The following CEP97 variants were observed in gnomAD, a reference collection of about 807,000 sequenced individuals.
CEP97 encodes the protein centrosomal protein of 97 kDa.
In CEP97, 43 loss-of-function variants were observed where a neutral mutation model predicts 73.1. The observed-to-expected ratio is 0.59, with a 90% confidence interval of 0.46 to 0.76. The LOEUF (loss-of-function observed/expected upper bound fraction) is 0.76, where lower values mean the gene tolerates loss of function less well. Among genes scored for constraint, CEP97 ranks in the 30% least tolerant of loss-of-function variants. The pLI is 0.00. For synonymous variants in CEP97, 337 were observed against 370.0 expected, an observed-to-expected ratio of 0.91 and a Z score of 1.02; for missense variants, 939 against 1,014.0, an observed-to-expected ratio of 0.93 and a Z score of 1.00.
intron 1 of CEP97, among the ~76,000 whole-genome samples, chr3:101,726,230 G>T (rs1249843793): frequency 5.3e-5 from 8 of 152,176 alleles, no homozygotes; most frequent in African/African-American, 1.9e-4. Flanking sequence ...TGGTAGTTAG[G>T]CTGTAAGCTG....
intron 6 of CEP97, among the ~76,000 whole-genome samples, chr3:101,735,396 G>C (rs1016575703): frequency 1.3e-5 from 2 of 152,144 alleles, no homozygotes; most frequent in African/African-American, 4.8e-5. Flanking sequence ...TGTGTGGGGG[G>C]GTGGCTGGCA....
At chr3:101,746,698 A>T (rs1238449148) in intron 6 of CEP97, among the ~76,000 whole-genome samples, 1 of 152,224 alleles carries the variant, frequency 6.6e-6, no homozygotes, top group Non-Finnish European at 1.5e-5. Flanking sequence ...TAAACTAAAG[A>T]CCTTCTGCAC....
chr3:101,766,618 T>C lies in CEP97; in HGVS notation c.*1067T>C, dbSNP rs1402656789. ...AATGATGGTGAAGAAATAATAAACC[T>C]CACTTTACTTGTTAAAAGGGATATA... On this transcript the variant is annotated 3_prime_UTR_variant, in exon 11 of 11. Coordinates refer to ENST00000341893, the MANE Select transcript of CEP97 (RefSeq NM_024548.4). 1 of 151,584 alleles carries C rather than the reference T, an allele frequency of 6.6e-6. No individual in the cohort carries two copies. The highest frequency in any genetic ancestry group is 1.5e-5 in the Non-Finnish European group (1 of 67,864). 9.4% of individuals were successfully genotyped at this position (151,584 alleles called of 1,614,324 possible).
chr3:101,734,001 T>A (rs1259352674), intron 6 of CEP97, among the ~76,000 whole-genome samples: 5 of 152,054 alleles, frequency 3.3e-5, no homozygotes, highest in Non-Finnish European at 7.4e-5. Flanking sequence ...TAATTTTGTA[T>A]TTTTAGTGGA....
chr3:101,733,776 C>T (rs563709803), intron 6 of CEP97, among the ~76,000 whole-genome samples: 55 of 152,076 alleles, frequency 3.6e-4, no homozygotes, highest in Admixed American at 6.5e-4. Context: ...GTGATCCACC[C>T]GCCTCGGCCT....
Position 101,757,623 on chromosome 3 carries a change from G to T in CEP97, c.1028-11G>T, listed in dbSNP as rs1435292886. ...TTAGTGGTTTAAATGATACTCTGTT[G>T]ATTCTTCTAGAACCCGTCATTCAAG... On this transcript the variant is annotated splice_polypyrimidine_tract_variant and intron_variant, in intron 8 of 10. Transcript: ENST00000341893. 1.2e-6 allele frequency: 2 copies of T among 1,603,764 alleles called. No individual in the cohort carries two copies. The highest frequency in any genetic ancestry group is 2.2e-5 in the East Asian group (1 of 44,720).
At chr3:101,745,732 G>T (rs1292476545) in intron 6 of CEP97, among the ~76,000 whole-genome samples, 2 of 150,660 alleles carry the variant, frequency 1.3e-5, no homozygotes, top group Non-Finnish European at 1.5e-5. Flanking sequence ...TTATTTTTTT[G>T]AATTTTATTT....
rs976558420 is a variant in CEP97, at chr3:101,757,197, G to A, written c.1027+1G>A. ...GATTGCCAGATATCCCAGGAAAGTG[G>A]TAAGAAATGAATTTATCTCTGATCC... On this transcript the variant is annotated splice_donor_variant, in intron 8 of 10. Transcript: ENST00000341893. LOFTEE classifies it high-confidence loss of function. The A allele has an allele frequency of 6.2e-7, 1 of 1,600,880 alleles. No individual in the cohort carries two copies. Among genetic ancestry groups the A allele is most frequent in the East Asian group, 2.3e-5 (1 of 44,370 alleles).
chr3:101,738,873 C>CA (rs1234621611), intron 6 of CEP97, among the ~76,000 whole-genome samples: 2 of 152,022 alleles, frequency 1.3e-5, no homozygotes, highest in African/African-American at 4.8e-5. Flanking sequence ...AAAAACCCTT[C>CA]AAAAAATCAA....
chr3:101,755,359 T>A, intron 6 of CEP97, 71 bp from the exon 7 acceptor site: 2 of 1,307,626 alleles, frequency 1.5e-6, no homozygotes, highest in Admixed American at 3.6e-5. Context: ...ACAAGGAAGA[T>A]CATTGTTGCC....
intron 6 of CEP97, among the ~76,000 whole-genome samples, chr3:101,737,094 G>GT (rs1938303942): frequency 1.3e-5 from 2 of 152,186 alleles, no homozygotes; most frequent in Non-Finnish European, 2.9e-5. Flanking sequence ...GGATATCAGA[G>GT]ATTGAAGATC....
At chr3:101,728,671 C>G (rs1937984984) in intron 3 of CEP97, 165 bp from the exon 4 acceptor site, 1 of 594,422 alleles carries the variant, frequency 1.7e-6, no homozygotes, top group South Asian at 2.1e-5. Context: ...ACCTGACAAT[C>G]TACTAAATTC....
chr3:101,752,980 G>T (rs563174890), intron 6 of CEP97, among the ~76,000 whole-genome samples: 82 of 152,302 alleles, frequency 5.4e-4, no homozygotes, highest in African/African-American at 1.9e-3. Context: ...CTGGTTTTTA[G>T]AGTTTCCAGT....
chr3:101,746,603 A>G (rs1428752467), intron 6 of CEP97, among the ~76,000 whole-genome samples: 1 of 151,150 alleles, frequency 6.6e-6, no homozygotes, highest in African/African-American at 2.4e-5. Flanking sequence ...ATTACCATTC[A>G]GGACATAGGC....
chr3:101,726,941 G>C lies in CEP97; in HGVS notation c.186+205G>C, dbSNP rs565482565. ...GAAAAAAAAAGCATTGTTAAGAAAA[G>C]GAAGCATTTTATTTTGCAAAATACT... On this transcript the variant is annotated intron_variant, in intron 2 of 10. Transcript: ENST00000341893. Among the ~76,000 whole-genome samples the C allele has an allele frequency of 7.9e-5, 12 of 152,194 alleles. 1 individual carries two copies. The South Asian group carries it at 2.5e-3, about 32-fold the overall frequency.
chr3:101,744,181 T>C (rs921500901), intron 6 of CEP97, among the ~76,000 whole-genome samples: 11 of 151,944 alleles, frequency 7.2e-5, no homozygotes, highest in Admixed American at 3.3e-4. Flanking sequence ...GTATACTGTA[T>C]AGAAATAGCT....
chr3:101,732,714 C>T lies in CEP97; in HGVS notation c.728+60C>T, dbSNP rs140200574. ...TGAAAAGACCATTTCTAGTTTACTA[C>T]AGATTAATAGAGTATTTCTTAAAAT... On this transcript the variant is annotated intron_variant, in intron 6 of 10. Transcript: ENST00000341893. 2.1e-6 allele frequency: 3 copies of T among 1,402,862 alleles called. No homozygotes were observed. In the Admixed American group the frequency reaches 6.1e-5, roughly 28 times the overall value. The allele number at this position is 1,402,862 out of a possible 1,614,324, so 86.9% of individuals were successfully genotyped here. A position where few individuals can be genotyped will look rare whatever the true frequency, so the allele number is the denominator to read the frequency against.
At chr3:101,763,143 C>T in intron 10 of CEP97, 1 of 1,239,050 alleles carries the variant, frequency 8.1e-7, no homozygotes, top group Non-Finnish European at 1.1e-6. Context: ...AGGCCGGTCT[C>T]AAACTTCTGG....
In CEP97 at chr3:101,749,500, G is replaced by A. The variant is rs1433570763; in HGVS notation, c.729-5930G>A. Among the ~76,000 whole-genome samples the A allele has an allele frequency of 2.3e-5, 3 of 131,638 alleles. No homozygotes were observed. In the Admixed American group the frequency reaches 2.3e-4, roughly 10 times the overall value. The allele number at this position is 131,638 out of a possible 152,430, so 86.4% of individuals were successfully genotyped here. A position where few individuals can be genotyped will look rare whatever the true frequency, so the allele number is the denominator to read the frequency against. On this transcript the variant is annotated intron_variant, in intron 6 of 10. Coordinates refer to ENST00000341893, the MANE Select transcript of CEP97 (RefSeq NM_024548.4). The stretch of plus-strand genomic sequence containing the variant: ...AGCAGCATGATTTATAGTCCTTTGG[G>A]TATATACCCAGTAATGGGTTGGCTG...
Sources: gnomAD v4.1 joint callset for allele counts (sites outside exome capture counted in the v4.1 genomes callset) on GRCh38, gnomAD v4.1.1 for gene constraint, MANE v1.5 for transcripts, NCBI Gene and HGNC (gene_info 2026-07-23, HGNC 2026-07-21) for gene names.